MACROD2: variants seen among roughly 807,000 people sequenced by gnomAD.
MACROD2 encodes the protein mono-ADP ribosylhydrolase 2, also known as ADP-ribose glycohydrolase MACROD2.
In MACROD2, 36 loss-of-function variants were observed where a neutral mutation model predicts 70.4. The ratio of observed to expected loss-of-function variants is 0.51; its 90% CI spans 0.39 to 0.68. MACROD2 has a LOEUF of 0.68. Ranked by LOEUF, MACROD2 falls within the 30% of genes least tolerant of loss-of-function variation. The probability of loss-of-function intolerance (pLI) is 0.00; values close to 1 mark genes in which losing one functional copy is unlikely to be tolerated. For missense variants in MACROD2, 496 were observed against 538.4 expected (o/e 0.92, Z 0.78); for synonymous variants, 172 against 178.8 (o/e 0.96, Z 0.30).
intron 3 of MACROD2, among the ~76,000 whole-genome samples, chr20:14,147,457 T>C (rs1283874176): frequency 6.6e-6 from 1 of 152,218 alleles, no homozygotes; most frequent in Non-Finnish European, 1.5e-5. Flanking sequence ...TGTAGTAAGC[T>C]CCTAATGTTA....
intron 8 of MACROD2, among the ~76,000 whole-genome samples, chr20:15,792,329 C>G (rs1439786647): frequency 6.6e-6 from 1 of 151,904 alleles, no homozygotes; most frequent in Non-Finnish European, 1.5e-5. Context: ...CCATGAAGGA[C>G]ACAAGACACA....
intron 15 of MACROD2, among the ~76,000 whole-genome samples, chr20:16,024,445 A>G (rs1200882646): frequency 6.6e-6 from 1 of 152,144 alleles, no homozygotes; most frequent in Non-Finnish European, 1.5e-5. Context: ...TCCTTCCTAC[A>G]TAATAAAAAT....
At chr20:14,607,919 G>A (rs370300992) in intron 4 of MACROD2, among the ~76,000 whole-genome samples, 13 of 152,062 alleles carry the variant, frequency 8.5e-5, no homozygotes, top group East Asian at 5.8e-4. Flanking sequence ...TTTCCATAGT[G>A]GATAGCTACT....
intron 4 of MACROD2, among the ~76,000 whole-genome samples, chr20:14,588,058 A>G (rs956632337): frequency 6.6e-6 from 1 of 152,144 alleles, no homozygotes; most frequent in African/African-American, 2.4e-5. Context: ...TTAACTTTAT[A>G]AAAGGAATTA....
intron 2 of MACROD2, among the ~76,000 whole-genome samples, chr20:14,017,076 A>G (rs1446834843): frequency 6.6e-6 from 1 of 152,104 alleles, no homozygotes; most frequent in Non-Finnish European, 1.5e-5. Context: ...GGTTAAGTAT[A>G]TTACTAATTA....
chr20:14,777,348 A>G (rs1369780700), intron 5 of MACROD2, among the ~76,000 whole-genome samples: 1 of 152,042 alleles, frequency 6.6e-6, no homozygotes, highest in Non-Finnish European at 1.5e-5. Context: ...AGAAAAATGC[A>G]GCTCTACTAA....
chr20:15,869,486 A>G (rs1271614152), intron 9 of MACROD2, among the ~76,000 whole-genome samples: 1 of 151,904 alleles, frequency 6.6e-6, no homozygotes, highest in African/African-American at 2.4e-5. Flanking sequence ...ATAATGAGCT[A>G]TTTGACCTAT....
intron 3 of MACROD2, among the ~76,000 whole-genome samples, chr20:14,322,201 T>TATATATA (rs1568553949): frequency 2.5e-4 from 31 of 124,662 alleles, no homozygotes; most frequent in Middle Eastern, 4.1e-3. Context: ...TATATATATA[T>TATATATA]TTTGTATTTT....
chr20:15,915,503 T>C (rs1391477270), intron 10 of MACROD2, among the ~76,000 whole-genome samples: 1 of 152,188 alleles, frequency 6.6e-6, no homozygotes, highest in East Asian at 1.9e-4. Flanking sequence ...GGAAAATAAA[T>C]AGTGGTCAAA....
intron 3 of MACROD2, among the ~76,000 whole-genome samples, chr20:14,463,816 G>C (rs968649243): frequency 5.9e-5 from 9 of 152,080 alleles, no homozygotes; most frequent in Non-Finnish European, 1.2e-4. Flanking sequence ...CTTTGGTTCT[G>C]TTTATATGCT....
intron 4 of MACROD2, among the ~76,000 whole-genome samples, chr20:14,517,999 A>G (rs1479173366): frequency 1.3e-5 from 2 of 152,028 alleles, no homozygotes; most frequent in Non-Finnish European, 1.5e-5. Flanking sequence ...TTGACTTTCT[A>G]TTCATTAATT....
At chr20:14,968,516 A>G (rs1370026107) in intron 5 of MACROD2, among the ~76,000 whole-genome samples, 1 of 149,974 alleles carries the variant, frequency 6.7e-6, no homozygotes, top group Non-Finnish European at 1.5e-5. Flanking sequence ...CATCAGTTGT[A>G]AAAAAAAAGA....
In MACROD2 at chr20:15,662,740, G is replaced by A. The variant is rs1179006483; in HGVS notation, c.645+162893G>A. Among the ~76,000 whole-genome samples the A allele has an allele frequency of 4.6e-5, 7 of 151,006 alleles. No homozygotes were observed. The East Asian group carries it at 1.4e-3, about 29-fold the overall frequency. ...GTTTTTTTTTTTTCTGTCTGTTGTG[G>A]TTGTTTTTTCAAGCTTTTAATTGTT... On this transcript the variant is annotated intron_variant, in intron 8 of 17. Transcript: ENST00000684519.
At position 15,660,666 on chromosome 20, in the gene MACROD2, T is replaced by C. The variant is rs568170630; in HGVS notation, c.645+160819T>C. Among the ~76,000 whole-genome samples, 7 of 152,194 alleles carry C rather than the reference T, an allele frequency of 4.6e-5. No homozygotes were observed. In the East Asian group the frequency reaches 1.2e-3, roughly 25 times the overall value. On this transcript the variant is annotated intron_variant, in intron 8 of 17. Coordinates refer to ENST00000684519, the MANE Select transcript of MACROD2 (RefSeq NM_001351661.2). ...TATCTTACACTTCCTGCTGGGAAAA[T>C]AGATGCTAAAATGTGTGTAATGTCA... is the stretch of plus-strand genomic sequence containing the variant.
chr20:15,813,433 C>G (rs1317914371), intron 8 of MACROD2, among the ~76,000 whole-genome samples: 1 of 152,096 alleles, frequency 6.6e-6, no homozygotes, highest in Non-Finnish European at 1.5e-5. Flanking sequence ...AGTTTTGTTT[C>G]TTGTTAGATG....
intron 4 of MACROD2, among the ~76,000 whole-genome samples, chr20:14,508,298 C>CCTTTT (rs751043385): frequency 6.6e-6 from 1 of 152,004 alleles, no homozygotes; most frequent in African/African-American, 2.4e-5. Flanking sequence ...TTTCTCTTTT[C>CCTTTT]CTCTTCTCTT....
intron 3 of MACROD2, chr20:14,325,423 A>T: frequency 1.2e-6 from 1 of 860,168 alleles, no homozygotes; most frequent in Non-Finnish European, 1.7e-6. Context: ...AATATAAATT[A>T]TATGGCAAAT....
chr20:14,829,047 C>A (rs2072933173), intron 5 of MACROD2, among the ~76,000 whole-genome samples: 1 of 151,344 alleles, frequency 6.6e-6, no homozygotes, highest in South Asian at 2.1e-4. Context: ...GGTGTTAAGC[C>A]CAGCGTGCAT....
At chr20:14,529,858 T>C (rs2085280921) in intron 4 of MACROD2, among the ~76,000 whole-genome samples, 1 of 152,214 alleles carries the variant, frequency 6.6e-6, no homozygotes, top group African/African-American at 2.4e-5. Flanking sequence ...TTCAGAAAGA[T>C]TCATTTTTGA....
Sources: allele counts gnomAD v4.1 joint callset (sites outside exome capture counted in the v4.1 genomes callset), GRCh38; gene constraint gnomAD v4.1.1; transcripts MANE v1.5; gene names NCBI Gene and HGNC (gene_info 2026-07-23, HGNC 2026-07-21).